Variants in HDGFL2 observed in about 807,000 individuals in gnomAD.
HDGFL2 encodes HDGF like 2, also known as hepatoma-derived growth factor-related protein 2.
In HDGFL2, 36 loss-of-function variants were observed where a neutral mutation model predicts 77.1. The observed-to-expected ratio is 0.47, with a 90% CI of 0.36 to 0.62. The LOEUF (loss-of-function observed/expected upper bound fraction) is 0.62. HDGFL2 is among the 20% of genes least tolerant of loss of function. The pLI is 0.00. For synonymous variants in HDGFL2, 463 were observed against 413.1 expected, an observed-to-expected ratio of 1.12 and a Z score of -1.46; for missense variants, 976 against 973.4, an observed-to-expected ratio of 1.00 and a Z score of -0.04.
intron 3 of HDGFL2, among the ~76,000 whole-genome samples, chr19:4,479,073 C>T (rs1470500116): frequency 6.6e-6 from 1 of 151,700 alleles, no homozygotes; most frequent in Non-Finnish European, 1.5e-5. Flanking sequence ...ACGCCTGTAA[C>T]CTCAGCACTG....
chr19:4,492,891 C>CG (rs540983764), intron 6 of HDGFL2, among the ~76,000 whole-genome samples: 1 of 113,582 alleles, frequency 8.8e-6, no homozygotes, highest in Non-Finnish European at 1.8e-5. Flanking sequence ...TGTGTGTTAT[C>CG]TGTGGTGTGT....
In HDGFL2 at chr19:4,475,496, G is replaced by T. The variant is rs770112385; in HGVS notation, c.201G>T (p.Lys67Asn). ...DLFPYDKCKD[K>N]YGKPNKRKGF... ...TCCCCTACGACAAATGTAAAGACAA[G>T]TACGGGAAGCCCAACAAGAGGAAAG... The change falls in exon 3 of 16, where the codon AAG becomes AAT. Residue 67 changes from lysine (K) to asparagine (N), a missense_variant. Physicochemically the swap from Lys to Asn is moderately conservative, Grantham distance 94 (BLOSUM62 0). This residue lies in a region of HDGFL2 where 103 missense variants were observed against 145.7 expected (regional missense o/e 0.71). Coordinates refer to ENST00000616600, the MANE Select transcript of HDGFL2 (RefSeq NM_001001520.3). The T allele has an allele frequency of 2.5e-6, 4 of 1,607,840 alleles. No homozygotes were observed. The highest frequency in any genetic ancestry group is 3.4e-6 in the Non-Finnish European group (4 of 1,178,520).
At chr19:4,498,986 A>C in intron 13 of HDGFL2, 71 bp downstream of exon 13, 1 of 1,096,288 alleles carries the variant, frequency 9.1e-7, no homozygotes, top group Non-Finnish European at 1.3e-6. Context: ...CCGGGAGCCC[A>C]GGCCCCCAGC....
intron 3 of HDGFL2, among the ~76,000 whole-genome samples, chr19:4,476,606 T>C (rs1021751070): frequency 2.7e-5 from 4 of 150,854 alleles, no homozygotes; most frequent in Admixed American, 1.3e-4. Context: ...TACTGCCAGA[T>C]TTTAGAGGAG....
chr19:4,477,957 A>G (rs1975112214), intron 3 of HDGFL2, among the ~76,000 whole-genome samples: 1 of 151,658 alleles, frequency 6.6e-6, no homozygotes, highest in Non-Finnish European at 1.5e-5. Flanking sequence ...GCAGGCGCCT[A>G]TAATCCCAGC....
chr19:4,482,498 G>A (rs988198053), intron 3 of HDGFL2, among the ~76,000 whole-genome samples: 3 of 152,148 alleles, frequency 2.0e-5, no homozygotes, highest in East Asian at 1.9e-4. Context: ...GTGAGCCACC[G>A]TGCCCAGCCA....
At chr19:4,477,885 G>A (rs1975110556) in intron 3 of HDGFL2, among the ~76,000 whole-genome samples, 1 of 152,006 alleles carries the variant, frequency 6.6e-6, no homozygotes, top group African/African-American at 2.4e-5. Context: ...TTCAAGACCA[G>A]CTTGGCCAAG....
rs1264948742 is a variant in HDGFL2, at chr19:4,494,202, G to A, written c.951G>A (p.Lys317=). 6.8e-7 allele frequency: 1 copy of A among 1,477,302 alleles called. No individual in the cohort carries two copies. Among genetic ancestry groups the A allele is most frequent in the Non-Finnish European group, 8.9e-7 (1 of 1,117,568 alleles). The allele number at this position is 1,477,302 out of a possible 1,614,324, so 91.5% of individuals were successfully genotyped here. The stretch of plus-strand genomic sequence containing the variant: ...AGGTGGACCGCATCAGTGAGTGGAA[G>A]CGGCGGGACGAGGCGCGGAGGCGCG... The part of the protein sequence containing the change: ...SDEVDRISEW[K]RRDEARRREL... Residue 317 remains lysine (K), a synonymous_variant, in exon 9 of 16, where the codon AAG becomes AAA. Transcript: ENST00000616600.
At chr19:4,493,015 GT>G (rs1975574872) in intron 6 of HDGFL2, among the ~76,000 whole-genome samples, 1 of 133,252 alleles carries the variant, frequency 7.5e-6, no homozygotes. Flanking sequence ...TGTGTGGTGC[GT>G]GTGTGTTATC....
In HDGFL2 at chr19:4,502,070, C is replaced by T. The variant is rs1488122650; in HGVS notation, c.*60C>T. Reference sequence around the variant, plus strand: ...TCAGGCTGCCCCTCTCCTTCCCCGGCTCGCAGGAGAGCAGAGCAGAGAACT... The same window carrying T: ...TCAGGCTGCCCCTCTCCTTCCCCGGTTCGCAGGAGAGCAGAGCAGAGAACT... On this transcript the variant is annotated 3_prime_UTR_variant, in exon 16 of 16. Coordinates refer to ENST00000616600, the MANE Select transcript of HDGFL2 (RefSeq NM_001001520.3). 2.5e-6 allele frequency: 3 copies of T among 1,198,966 alleles called. No homozygotes were observed. Among genetic ancestry groups the T allele is most frequent in the South Asian group, 2.6e-5 (2 of 77,198 alleles). The allele number at this position is 1,198,966 out of a possible 1,614,324, so 74.3% of individuals were successfully genotyped here. A position where few individuals can be genotyped will look rare whatever the true frequency, so the allele number is the denominator to read the frequency against.
chr19:4,498,022 A>G lies in HDGFL2; in HGVS notation c.1393A>G (p.Lys465Glu), dbSNP rs1401243853. 2.6e-6 allele frequency: 4 copies of G among 1,555,548 alleles called. No individual in the cohort carries two copies. The highest frequency in any genetic ancestry group is 2.6e-6 in the Non-Finnish European group (3 of 1,149,250). The change falls in exon 11 of 16, where the codon AAG becomes GAG. Residue 465 changes from lysine (K) to glutamate (E), a missense_variant. Transcript: ENST00000616600. ...EGFSMDRKVE[K>E]KKEPSVEEKL... The stretch of plus-strand genomic sequence containing the variant: ...CTTCTCGATGGACAGGAAGGTAGAG[A>G]AGAAGAAAGGTGAGGCCTGGCTGCC...
At chr19:4,500,872 C>T (rs1975853328) in intron 14 of HDGFL2, among the ~76,000 whole-genome samples, 1 of 152,222 alleles carries the variant, frequency 6.6e-6, no homozygotes, top group Non-Finnish European at 1.5e-5. Flanking sequence ...CTCCCACGTG[C>T]TGGGATTGTG....
rs775777503 is a variant in HDGFL2 at position 4,491,791 on chromosome 19, G to T, written c.634G>T (p.Val212Phe). 2 of 1,614,074 alleles carry T rather than the reference G, an allele frequency of 1.2e-6. No individual in the cohort carries two copies. The highest frequency in any genetic ancestry group is 8.5e-7 in the Non-Finnish European group (1 of 1,180,030). The change falls in exon 6 of 16, where the codon GTC (valine) becomes TTC (phenylalanine). Residue 212 changes from valine (V) to phenylalanine (F), a missense_variant. Val to Phe is a conservative substitution (Grantham distance 50, BLOSUM62 -1). Around this residue, in one of 5 missense-constraint regions of HDGFL2, gnomAD observed 567 missense variants for 534.7 expected, o/e 1.06. Transcript: ENST00000616600. The stretch of plus-strand genomic sequence containing the variant: ...CTTCACACCTGAGAAGAAAGCAGCG[G>T]TCCGGGCGCCACGGAGGGGCCCTCT... ...QDFTPEKKAAVRAPRRGPLGG... is the reference protein window; with the variant it reads ...QDFTPEKKAAFRAPRRGPLGG...
chr19:4,501,624 T>G (rs893723079), intron 15 of HDGFL2: 2 of 471,488 alleles, frequency 4.2e-6, no homozygotes, highest in Non-Finnish European at 7.5e-6. Context: ...CCCGGCTATC[T>G]GACGGTGCCT....
intron 3 of HDGFL2, among the ~76,000 whole-genome samples, chr19:4,479,885 G>C (rs1033664390): frequency 1.4e-5 from 2 of 147,214 alleles, no homozygotes; most frequent in Non-Finnish European, 3.0e-5. Flanking sequence ...CAGCCTGGGC[G>C]ACAGAATGAG....
chr19:4,497,196 T>G, intron 10 of HDGFL2: 1 of 428,442 alleles, frequency 2.3e-6, no homozygotes, highest in South Asian at 1.6e-5. Context: ...TTGTTTTTGT[T>G]TTTGTTTTTT....
At chr19:4,473,228 C>G (rs536323781) in intron 1 of HDGFL2, among the ~76,000 whole-genome samples, 2 of 145,612 alleles carry the variant, frequency 1.4e-5, no homozygotes, top group South Asian at 4.5e-4. Flanking sequence ...TGTCCAGGGC[C>G]TGAAGGAGCT....
intron 2 of HDGFL2, 27 bp from the exon 3 acceptor site, chr19:4,475,418 G>T (rs768252673): frequency 1.2e-6 from 2 of 1,613,826 alleles, no homozygotes; most frequent in Non-Finnish European, 1.7e-6. Flanking sequence ...CACTCACCTG[G>T]GACTGGCCCC....
At chr19:4,485,925 A>G (rs1201888388) in intron 3 of HDGFL2, among the ~76,000 whole-genome samples, 1 of 146,646 alleles carries the variant, frequency 6.8e-6, no homozygotes, top group Non-Finnish European at 1.5e-5. Context: ...TGGTGGTGCA[A>G]ACCTGTAGTT....
Sources: allele counts gnomAD v4.1 joint callset (sites outside exome capture counted in the v4.1 genomes callset), GRCh38; gene constraint gnomAD v4.1.1; regional missense constraint gnomAD v4.1.1; transcripts MANE v1.5; gene names NCBI Gene and HGNC (gene_info 2026-07-23, HGNC 2026-07-21).